Variants in INSL6 observed in about 807,000 individuals in gnomAD.
INSL6 encodes insulin like 6, also known as insulin-like peptide INSL6.
Under a neutral mutation model 9.4 loss-of-function variants are expected in INSL6, and 16 were observed. That is an observed-to-expected ratio of 1.70 (90% CI 1.15 to 2.59). The LOEUF is 2.59. Among genes scored for constraint, INSL6 ranks in the 30% most tolerant of loss-of-function variants. INSL6 has a pLI of 0.00. For synonymous variants in INSL6, 154 were observed against 96.9 expected (o/e 1.59, Z -3.46); for missense variants, 391 against 257.3 (o/e 1.52, Z -3.56).
At chr9:5,076,572 TTATAGTG>T in the INSL6 span, among the ~76,000 whole-genome samples, 1 of 152,286 alleles carries the variant, frequency 6.6e-6, no homozygotes, top group South Asian at 2.1e-4. Context: ...ATAGACTCCA[TTATAGTG>T]TATATACAAG....
chr9:5,118,804 T>C, the INSL6 span, among the ~76,000 whole-genome samples: 1 of 152,284 alleles, frequency 6.6e-6, no homozygotes, highest in East Asian at 1.9e-4. Flanking sequence ...TATCTGTTAT[T>C]GGGCAGTTTC....
the INSL6 span, among the ~76,000 whole-genome samples, chr9:5,032,078 A>G: frequency 6.6e-6 from 1 of 152,232 alleles, no homozygotes; most frequent in Admixed American, 6.5e-5. Context: ...GCGCTATTCT[A>G]ACGGTATTAG....
the INSL6 span, among the ~76,000 whole-genome samples, chr9:5,052,229 A>G: frequency 2.0e-5 from 3 of 152,082 alleles, no homozygotes; most frequent in South Asian, 2.1e-4. Context: ...TCTTGGCACA[A>G]TCTTTCTATG....
At chr9:5,144,666 G>T (rs936126196) in intron 2 of INSL6, among the ~76,000 whole-genome samples, 10 of 152,132 alleles carry the variant, frequency 6.6e-5, no homozygotes, top group African/African-American at 1.7e-4. Context: ...CCTGTGTTGG[G>T]TGCAAACATA....
the INSL6 span, chr9:5,114,668 T>C: frequency 2.3e-5 from 10 of 441,908 alleles, no homozygotes; most frequent in East Asian, 4.8e-4. Context: ...CCAAGGGCTC[T>C]GGCGTCTTAG....
Position 5,185,316 on chromosome 9 carries a change from G to C in INSL6, c.287C>G (p.Pro96Arg), listed in dbSNP as rs1825544221. ...ASPARGRGTN[P>R]VSTSWEEAVN... The stretch of plus-strand genomic sequence containing the variant: ...ATGCCTTCGGTTTCGATTTTTACCT[G>C]GGTTTGTGCCTCTTCCCCGGGCCGG... Residue 96 changes from proline (P) to arginine (R), a missense_variant and splice_region_variant, in exon 1 of 2, where the codon CCA becomes CGA. Pro to Arg is a moderately radical substitution (Grantham distance 103). Coordinates refer to ENST00000381641, the MANE Select transcript of INSL6 (RefSeq NM_007179.3). 6.2e-7 allele frequency: 1 copy of C among 1,614,064 alleles called. No homozygotes were observed. The highest frequency in any genetic ancestry group is 1.1e-5 in the South Asian group (1 of 91,058).
chr9:5,044,538 T>C, the INSL6 span: 2 of 1,367,982 alleles, frequency 1.5e-6, no homozygotes, highest in Non-Finnish European at 2.0e-6. Flanking sequence ...TATATTATCT[T>C]ACTTGTACAT....
chr9:5,115,951 AATGT>A, the INSL6 span, among the ~76,000 whole-genome samples: 1 of 152,102 alleles, frequency 6.6e-6, no homozygotes, highest in Non-Finnish European at 1.5e-5. Flanking sequence ...AGAAATACCT[AATGT>A]AGTTGATGGG....
At chr9:5,041,201 C>G in the INSL6 span, 62 of 1,451,450 alleles carry the variant, frequency 4.3e-5, no homozygotes, top group East Asian at 1.4e-3. Context: ...GGACGTGAAG[C>G]CCGAGAACTT....
At chr9:5,168,970 G>C (rs1032657221) in intron 1 of INSL6, among the ~76,000 whole-genome samples, 3 of 151,354 alleles carry the variant, frequency 2.0e-5, no homozygotes, top group Admixed American at 2.0e-4. Context: ...TTGTCACCCA[G>C]GCTGGAGTAC....
intron 2 of INSL6, among the ~76,000 whole-genome samples, chr9:5,134,335 T>C (rs1043530533): frequency 5.9e-5 from 9 of 152,060 alleles, no homozygotes; most frequent in South Asian, 4.2e-4. Context: ...TCAGGAAATA[T>C]AGAGAACACC....
At chr9:5,018,691 G>A in the INSL6 span, among the ~76,000 whole-genome samples, 4 of 152,162 alleles carry the variant, frequency 2.6e-5, no homozygotes, top group Admixed American at 1.3e-4. Context: ...ATTTCTTGTA[G>A]GTCTGGTCTA....
chr9:5,105,953 A>C, the INSL6 span, among the ~76,000 whole-genome samples: 38 of 152,366 alleles, frequency 2.5e-4, no homozygotes, highest in East Asian at 7.3e-3. Flanking sequence ...TTAAAACCAT[A>C]AAAGCCCTAG....
At chr9:5,166,179 C>G (rs565964423) in intron 1 of INSL6, among the ~76,000 whole-genome samples, 5 of 152,246 alleles carry the variant, frequency 3.3e-5, no homozygotes, top group East Asian at 3.9e-4. Context: ...AAAAGATTCA[C>G]AGAGAGAGAG....
the INSL6 span, among the ~76,000 whole-genome samples, chr9:5,093,175 T>C: frequency 6.6e-6 from 1 of 152,340 alleles, no homozygotes; most frequent in Non-Finnish European, 1.5e-5. Context: ...AACAGCTAGA[T>C]ATTTTACAAT....
chr9:5,014,081 T>C, the INSL6 span, among the ~76,000 whole-genome samples: 4 of 152,122 alleles, frequency 2.6e-5, no homozygotes, highest in East Asian at 5.8e-4. Flanking sequence ...ATATGAACTT[T>C]TAAAATGTGA....
At chr9:5,032,825 A>T in the INSL6 span, among the ~76,000 whole-genome samples, 2 of 152,218 alleles carry the variant, frequency 1.3e-5, no homozygotes, top group African/African-American at 4.8e-5. Context: ...TGGAAACTCT[A>T]AAAATGAGAG....
the INSL6 span, among the ~76,000 whole-genome samples, chr9:5,031,946 C>G: frequency 6.6e-6 from 1 of 152,182 alleles, no homozygotes; most frequent in Non-Finnish European, 1.5e-5. Context: ...GAGCATGAGC[C>G]GAAGCAGGGC....
chr9:5,131,453 T>A (rs1279937290), intron 3 of INSL6, among the ~76,000 whole-genome samples: 1 of 149,316 alleles, frequency 6.7e-6, no homozygotes, highest in Non-Finnish European at 1.5e-5. Flanking sequence ...TTTTTTTTTT[T>A]TGAGACAGAG....
Sources: gnomAD v4.1 joint callset for allele counts (sites outside exome capture counted in the v4.1 genomes callset) on GRCh38, gnomAD v4.1.1 for gene constraint, MANE v1.5 for transcripts, NCBI Gene and HGNC (gene_info 2026-07-23, HGNC 2026-07-21) for gene names.